The following PTPRD variants were observed in gnomAD, a reference collection of about 807,000 sequenced individuals.
The protein encoded by PTPRD is receptor-type tyrosine-protein phosphatase delta.
PTPRD carries 34 observed loss-of-function variants against 214.5 expected under a neutral mutation model. The observed-to-expected ratio is 0.16, with a 90% CI of 0.12 to 0.21. The LOEUF is 0.21. Among genes scored for constraint, PTPRD ranks in the 10% least tolerant of loss-of-function variants. PTPRD has a pLI of 1.00. For synonymous variants in PTPRD, 1,128 were observed against 845.7 expected (o/e 1.33, Z -5.79); for missense variants, 2,545 against 2,398.7 (o/e 1.06, Z -1.27).
intron 3 of PTPRD, among the ~76,000 whole-genome samples, chr9:10,166,998 G>C (rs2099163038): frequency 1.3e-5 from 2 of 151,926 alleles, no homozygotes; most frequent in African/African-American, 4.8e-5. Context: ...TGGAATTGAT[G>C]GTTAAAACAA....
Position 8,389,219 on chromosome 9 carries a change from T to C in PTPRD, c.4386+13A>G, listed in dbSNP as rs1338372914. The C allele has an allele frequency of 1.3e-6, 2 of 1,597,862 alleles. No individual in the cohort carries two copies. The highest frequency in any genetic ancestry group is 1.7e-6 in the Non-Finnish European group (2 of 1,172,820). ...AAATTTTTAAAAGGAAAGAGGTGGA[T>C]ACTTATTCTTACCCTTGATCTTTCT... On this transcript the variant is annotated intron_variant, in intron 37 of 45. Coordinates refer to ENST00000381196, the MANE Select transcript of PTPRD (RefSeq NM_002839.4).
At chr9:9,343,913 A>G (rs2047809919) in intron 9 of PTPRD, among the ~76,000 whole-genome samples, 1 of 152,182 alleles carries the variant, frequency 6.6e-6, no homozygotes, top group African/African-American at 2.4e-5. Flanking sequence ...CAGGTTATCT[A>G]AATTTTCCTG....
chr9:9,950,703 C>T (rs71497162), intron 4 of PTPRD, among the ~76,000 whole-genome samples: 2 of 25,128 alleles, frequency 8.0e-5, no homozygotes, highest in Non-Finnish European at 9.8e-5. Context: ...CCAGCCTGGG[C>T]GACAGCGAGA....
intron 5 of PTPRD, among the ~76,000 whole-genome samples, chr9:9,786,713 G>A (rs2098927078): frequency 6.6e-6 from 1 of 152,048 alleles, no homozygotes; most frequent in Non-Finnish European, 1.5e-5. Context: ...CATGGCACAT[G>A]TACACATACG....
intron 30 of PTPRD, among the ~76,000 whole-genome samples, chr9:8,483,474 C>T (rs935270069): frequency 2.0e-5 from 3 of 152,072 alleles, no homozygotes; most frequent in Non-Finnish European, 2.9e-5. Context: ...TTGTAGTAGC[C>T]GGGCGCGGTG....
intron 3 of PTPRD, among the ~76,000 whole-genome samples, chr9:10,286,868 A>G (rs10809059): frequency 0.15 from 22,382 of 152,060 alleles, 2,836 homozygotes; most frequent in African/African-American, 0.29. Flanking sequence ...CAAAGTGCTG[A>G]GATTACAGGC....
chr9:10,171,611 G>A (rs1478865817), intron 3 of PTPRD, among the ~76,000 whole-genome samples: 1 of 152,146 alleles, frequency 6.6e-6, no homozygotes, highest in South Asian at 2.1e-4. Flanking sequence ...TGCGAGCTCC[G>A]CCTCCCGGGT....
intron 8 of PTPRD, among the ~76,000 whole-genome samples, chr9:9,570,813 ATCT>A (rs1397507567): frequency 6.6e-6 from 1 of 151,576 alleles, no homozygotes; most frequent in Admixed American, 6.6e-5. Context: ...GGCAACCAAA[ATCT>A]TCTGAAACAA....
At chr9:10,121,836 T>C (rs533627383) in intron 3 of PTPRD, among the ~76,000 whole-genome samples, 10 of 152,218 alleles carry the variant, frequency 6.6e-5, no homozygotes, top group East Asian at 1.9e-4. Flanking sequence ...ACCATGAGGA[T>C]TGAGGGTGAA....
intron 9 of PTPRD, among the ~76,000 whole-genome samples, chr9:9,261,930 T>C (rs1393943945): frequency 1.3e-5 from 2 of 151,664 alleles, no homozygotes; most frequent in African/African-American, 4.8e-5. Flanking sequence ...ATCCTACTAA[T>C]AAATGGACCT....
intron 11 of PTPRD, chr9:8,861,251 G>T (rs2098098576): frequency 6.6e-6 from 1 of 152,108 alleles, no homozygotes; most frequent in African/African-American, 2.4e-5. Flanking sequence ...GTAATCAGTT[G>T]TTACACTTGT....
At chr9:8,353,185 A>T (rs1284862932) in intron 39 of PTPRD, among the ~76,000 whole-genome samples, 2 of 152,122 alleles carry the variant, frequency 1.3e-5, no homozygotes, top group South Asian at 4.1e-4. Flanking sequence ...GAAGGCTCTA[A>T]ATCTGTGGTT....
rs774583181 is a variant in PTPRD, at chr9:8,486,321, G to A, written c.2496C>T (p.Asn832=). 1 of 1,614,138 alleles carries A rather than the reference G, an allele frequency of 6.2e-7. No homozygotes were observed. Among genetic ancestry groups the A allele is most frequent in the South Asian group, 1.1e-5 (1 of 91,082 alleles). The change falls in exon 28 of 46, where the codon AAC becomes AAT. Residue 832 remains asparagine (N), a synonymous_variant. Transcript: ENST00000381196. ...AVPGKPRLVI[N]HTQMNTALIQ... ...TAAGAGCAGTATTCATCTGAGTGTG[G>A]TTAATCACAAGCCGAGGTTTCCCTG...
chr9:8,517,273 C>T (rs2097796645), intron 21 of PTPRD, among the ~76,000 whole-genome samples: 1 of 152,006 alleles, frequency 6.6e-6, no homozygotes, highest in Non-Finnish European at 1.5e-5. Context: ...TAGCTCTTAG[C>T]AAAGTTAATC....
intron 7 of PTPRD, among the ~76,000 whole-genome samples, chr9:9,656,868 G>GATAT (rs113691095): frequency 5.4e-5 from 8 of 148,268 alleles, no homozygotes; most frequent in African/African-American, 1.7e-4. Flanking sequence ...AATAGGAAAA[G>GATAT]ATATATATAT....
intron 3 of PTPRD, among the ~76,000 whole-genome samples, chr9:10,300,128 T>C (rs2154406234): frequency 6.6e-6 from 1 of 152,298 alleles, no homozygotes; most frequent in Middle Eastern, 3.4e-3. Context: ...GATTAATTGT[T>C]TGATAAACAT....
At chr9:9,783,747 G>A (rs1396693245) in intron 5 of PTPRD, among the ~76,000 whole-genome samples, 4 of 150,650 alleles carry the variant, frequency 2.7e-5, no homozygotes, top group South Asian at 2.1e-4. Context: ...AGATTAGAAA[G>A]CAATCAAGTG....
chr9:8,842,731 C>G (rs2097583250), intron 11 of PTPRD, among the ~76,000 whole-genome samples: 1 of 152,118 alleles, frequency 6.6e-6, no homozygotes, highest in African/African-American at 2.4e-5. Context: ...TGCTTGTCAG[C>G]ATTAATTACA....
At chr9:10,538,641 T>G (rs1461364141) in intron 2 of PTPRD, among the ~76,000 whole-genome samples, 2 of 151,976 alleles carry the variant, frequency 1.3e-5, no homozygotes, top group African/African-American at 4.8e-5. Context: ...CCTTGCATTT[T>G]GTTAAGTTCT....
Sources: allele counts gnomAD v4.1 joint callset (sites outside exome capture counted in the v4.1 genomes callset), GRCh38; gene constraint gnomAD v4.1.1; transcripts MANE v1.5; gene names NCBI Gene and HGNC (gene_info 2026-07-23, HGNC 2026-07-21).